The following ERAP1 variants were observed in gnomAD, a reference collection of about 807,000 sequenced individuals.
The protein encoded by ERAP1 is adipocyte-derived leucine aminopeptidase.
ERAP1 carries 86 observed loss-of-function variants against 103.7 expected under a neutral mutation model. The ratio of observed to expected loss-of-function variants is 0.83; its 90% CI spans 0.70 to 0.99. ERAP1 has a LOEUF of 0.99. Among genes scored for constraint, ERAP1 ranks in the 50% least tolerant of loss-of-function variants. ERAP1 has a pLI of 0.00. For synonymous variants in ERAP1, 398 were observed against 402.4 expected (o/e 0.99, Z 0.13); for missense variants, 1,009 against 1,128.4 (o/e 0.89, Z 1.52).
chr5:96,776,351 ATGT>A lies in ERAP1; in HGVS notation c.*42_*44del, dbSNP rs1398042252. ...CTAGTTTGAAAATACACTCAACAAA[ATGT>A]TGGTGATTAGAGATAACAGGAACCT... On this transcript the variant is annotated 3_prime_UTR_variant, in exon 19 of 19. Transcript: ENST00000443439. The A allele has an allele frequency of 5.1e-6, 8 of 1,581,458 alleles. No individual in the cohort carries two copies. Among genetic ancestry groups the A allele is most frequent in the Admixed American group, 3.6e-5 (2 of 54,876 alleles).
At chr5:96,872,223 C>T in the ERAP1 span, among the ~76,000 whole-genome samples, 1 of 151,772 alleles carries the variant, frequency 6.6e-6, no homozygotes, top group Non-Finnish European at 1.5e-5. Flanking sequence ...CTAGCACTGT[C>T]AGGGAGCCAT....
chr5:96,882,431 T>C, the ERAP1 span, among the ~76,000 whole-genome samples: 13 of 152,296 alleles, frequency 8.5e-5, no homozygotes, highest in Middle Eastern at 6.8e-3. Flanking sequence ...TCATACTCAG[T>C]CACCTAGTAG....
At chr5:96,910,052 G>T in the ERAP1 span, 1 of 250,310 alleles carries the variant, frequency 4.0e-6, no homozygotes, top group Non-Finnish European at 8.1e-6. Flanking sequence ...AATCACTGAG[G>T]TCAGGAGTTC....
the ERAP1 span, among the ~76,000 whole-genome samples, chr5:96,818,455 A>G: frequency 1.3e-5 from 2 of 151,118 alleles, no homozygotes; most frequent in East Asian, 1.9e-4. Context: ...TTATGTTCCC[A>G]GCACTATATA....
chr5:96,913,247 T>A, the ERAP1 span: 2 of 1,210,866 alleles, frequency 1.7e-6, no homozygotes, highest in Non-Finnish European at 2.4e-6. Flanking sequence ...TTTAATATAT[T>A]GGTGGCTTGA....
chr5:96,786,951 A>T (rs1776091506), intron 11 of ERAP1, among the ~76,000 whole-genome samples: 1 of 152,194 alleles, frequency 6.6e-6, no homozygotes, highest in African/African-American at 2.4e-5. Context: ...AACAGCAGAA[A>T]ATCCAAACTG....
the ERAP1 span, among the ~76,000 whole-genome samples, chr5:96,920,135 A>G: frequency 2.0e-5 from 3 of 150,000 alleles, no homozygotes; most frequent in Non-Finnish European, 4.5e-5. Context: ...ACATGGCGAA[A>G]CCGTTTCCAC....
Position 96,783,069 on chromosome 5 carries a change from T to A in ERAP1, c.2267A>T (p.Glu756Val). 1 of 1,614,228 alleles carries A rather than the reference T, an allele frequency of 6.2e-7. No homozygotes were observed. The highest frequency in any genetic ancestry group is 8.5e-7 in the Non-Finnish European group (1 of 1,180,048). Residue 756 changes from glutamate to valine, a missense_variant, in exon 15 of 19, where the codon GAA (glutamate) becomes GTA (valine). By Grantham distance (121) the Glu-to-Val change is moderately radical (BLOSUM62 -2). Coordinates refer to ENST00000443439, the MANE Select transcript of ERAP1 (RefSeq NM_001040458.3). The stretch of plus-strand genomic sequence containing the variant: ...GACTGACCTCAAGTTTCCATTGGAT[T>A]CCTTCCACTTTCTGAAATAGCCTTC... ...RAEGYFRKWK[E>V]SNGNLSLPVD... is the part of the protein sequence containing the mutation.
chr5:96,784,667 T>C (rs1233489962), intron 13 of ERAP1: 1 of 155,654 alleles, frequency 6.4e-6, no homozygotes, highest in African/African-American at 2.4e-5. Context: ...CTGGATTGAG[T>C]GGTGAACTTC....
chr5:96,780,606 C>A (rs963890712), intron 17 of ERAP1, 102 bp from the exon 18 acceptor site: 1 of 921,984 alleles, frequency 1.1e-6, no homozygotes, highest in Admixed American at 1.9e-5. Context: ...AAAAACTGAT[C>A]GGTGTGAAAA....
intron 19 of ERAP1, chr5:96,768,534 A>T: frequency 2.7e-6 from 1 of 372,202 alleles, no homozygotes; most frequent in South Asian, 2.2e-5. Context: ...TTACATAATT[A>T]TACTTACAGT....
At chr5:96,831,482 AG>A in the ERAP1 span, among the ~76,000 whole-genome samples, 1 of 152,218 alleles carries the variant, frequency 6.6e-6, no homozygotes, top group Admixed American at 6.5e-5. Flanking sequence ...ATGATGTTCA[AG>A]GGCCAACTGT....
chr5:96,790,259 T>C (rs953068881), intron 10 of ERAP1, 37 bp downstream of exon 10: 2 of 1,592,870 alleles, frequency 1.3e-6, no homozygotes, highest in Non-Finnish European at 1.7e-6. Context: ...AGTAAAAGAA[T>C]GTGCTTGGGG....
At chr5:96,876,878 A>G in the ERAP1 span, among the ~76,000 whole-genome samples, 1 of 152,214 alleles carries the variant, frequency 6.6e-6, no homozygotes, top group African/African-American at 2.4e-5. Context: ...GCAAAGAGCT[A>G]TGTTTTAGTC....
the ERAP1 span, chr5:96,886,718 A>G: frequency 9.0e-6 from 14 of 1,552,390 alleles, no homozygotes; most frequent in Non-Finnish European, 1.1e-5. Context: ...TGTAAAAATG[A>G]GTACATACCT....
chr5:96,811,429 G>A (rs147634310), upstream of ERAP1, among the ~76,000 whole-genome samples: 142 of 152,322 alleles, frequency 9.3e-4, no homozygotes, highest in African/African-American at 3.2e-3. Flanking sequence ...AACAGGATTA[G>A]AGATGTGAAG....
chr5:96,841,747 C>CTTTTTTTTTTTTT, the ERAP1 span, among the ~76,000 whole-genome samples: 12 of 108,522 alleles, frequency 1.1e-4, no homozygotes, highest in East Asian at 2.7e-4. Context: ...TCTTCTTCTT[C>CTTTTTTTTTTTTT]TTTTTTTTTT....
intron 10 of ERAP1, 23 bp downstream of exon 10, chr5:96,790,273 C>T (rs1375838569): frequency 6.2e-7 from 1 of 1,608,440 alleles, no homozygotes; most frequent in Non-Finnish European, 8.5e-7. Context: ...CTTGGGGGAA[C>T]ATGTACAGAT....
At position 96,797,182 on chromosome 5, in the gene ERAP1, C is replaced by T. The variant is rs775300383; in HGVS notation, c.791G>A (p.Gly264Glu). 17 of 1,613,934 alleles carry T rather than the reference C, an allele frequency of 1.1e-5. No homozygotes were observed. The highest frequency in any genetic ancestry group is 1.2e-5 in the Non-Finnish European group (14 of 1,180,028). Residue 264 changes from glycine (G) to glutamate (E), a missense_variant, in exon 4 of 19, where the codon GGA (glycine) becomes GAA (glutamate). Transcript: ENST00000443439. ...TGACAGTCATAGGCTCACCTTGACT[C>T]CACTCTTGGTTATCTTGCTGACAGA... The part of the protein sequence containing the change: ...FESVSKITKS[G>E]VKVSVYAVPD...
Sources: allele counts gnomAD v4.1 joint callset (sites outside exome capture counted in the v4.1 genomes callset), GRCh38; gene constraint gnomAD v4.1.1; transcripts MANE v1.5; gene names NCBI Gene and HGNC (gene_info 2026-07-23, HGNC 2026-07-21).